CNTNAP3: variants seen among roughly 807,000 people sequenced by gnomAD.
CNTNAP3 encodes contactin associated protein family member 3.
A neutral mutation model predicts 92.1 loss-of-function variants in CNTNAP3; 36 were observed. That is an observed-to-expected ratio of 0.39 (90% CI 0.30 to 0.52). The LOEUF is 0.52. Among genes scored for constraint, CNTNAP3 ranks in the 20% least tolerant of loss-of-function variants. The pLI, the probability that CNTNAP3 is intolerant of heterozygous loss-of-function variation, is 0.76. For synonymous variants in CNTNAP3, 232 were observed against 422.3 expected (o/e 0.55, Z 5.53); for missense variants, 534 against 1,069.6 (o/e 0.50, Z 6.98).
At chr9:39,147,647 C>T (rs572368681) in intron 10 of CNTNAP3, among the ~76,000 whole-genome samples, 2 of 152,316 alleles carry the variant, frequency 1.3e-5, no homozygotes, top group South Asian at 2.1e-4. Context: ...CTCACACATA[C>T]ATGCTTAGTT....
At chr9:39,102,254 T>A (rs533687804) in intron 17 of CNTNAP3, among the ~76,000 whole-genome samples, 576 of 152,046 alleles carry the variant, frequency 3.8e-3, no homozygotes, top group African/African-American at 0.013. Flanking sequence ...CACTCCAGCC[T>A]GGGCGACACA....
At chr9:39,140,763 G>A in intron 11 of CNTNAP3, 125 bp from the exon 12 acceptor site, 5 of 1,308,842 alleles carry the variant, frequency 3.8e-6, no homozygotes, top group Non-Finnish European at 4.0e-6. Context: ...TTTTGATAGT[G>A]TATGACAGTA....
Position 39,087,755 on chromosome 9 carries a change from C to G in CNTNAP3, c.3220+668G>C, listed in dbSNP as rs558599342. Among the ~76,000 whole-genome samples the G allele has an allele frequency of 1.5e-3, 229 of 151,654 alleles. 1 individual carries two copies. Among genetic ancestry groups the G allele is most frequent in the South Asian group, 4.4e-3 (21 of 4,798 alleles). On this transcript the variant is annotated intron_variant, in intron 19 of 23. Coordinates refer to ENST00000297668, the MANE Select transcript of CNTNAP3 (RefSeq NM_033655.5). ...CCTGCCTTGGCCTCCCAAAGTGCTG[C>G]GATTACAGGCGTGAGCCACCACATC...
chr9:39,147,022 T>G (rs1821719599), intron 10 of CNTNAP3, among the ~76,000 whole-genome samples: 1 of 152,142 alleles, frequency 6.6e-6, no homozygotes, highest in Non-Finnish European at 1.5e-5. Flanking sequence ...TCTCATGCTG[T>G]TCTCATGATA....
Position 39,109,228 on chromosome 9 carries a change from A to G in CNTNAP3, c.2297T>C (p.Met766Thr), listed in dbSNP as rs747272227. The G allele has an allele frequency of 1.4e-5, 22 of 1,612,812 alleles. No individual in the cohort carries two copies. Among genetic ancestry groups the G allele is most frequent in the Non-Finnish European group, 1.9e-5 (22 of 1,179,824 alleles). The change falls in exon 15 of 24, where the codon ATG becomes ACG. Residue 766 changes from methionine to threonine, a missense_variant. Physicochemically the swap from Met to Thr is moderately conservative, Grantham distance 81. Coordinates refer to ENST00000297668, the MANE Select transcript of CNTNAP3 (RefSeq NM_033655.5). ...KEHLPVTQIV[M>T]TDAGRPHSEA... ...GGAATGTGGTCGGCCTGCGTCTGTC[A>G]TCACAATCTGAGTGACTGGCAGGTG...
chr9:39,118,287 A>G, intron 13 of CNTNAP3, 28 bp from the exon 14 acceptor site: 1 of 1,612,974 alleles, frequency 6.2e-7, no homozygotes, highest in African/African-American at 1.3e-5. Context: ...GAAACATGAC[A>G]TCTACTTTGT....
chr9:39,106,121 T>C (rs1826599505), intron 15 of CNTNAP3, among the ~76,000 whole-genome samples: 1 of 152,068 alleles, frequency 6.6e-6, no homozygotes, highest in Admixed American at 6.6e-5. Context: ...CTTGACCCTA[T>C]CCCTGCAGAT....
In CNTNAP3 at chr9:39,109,023, T is replaced by A. The variant is rs1339389969; in HGVS notation, c.2365+137A>T. On this transcript the variant is annotated intron_variant, in intron 15 of 23. Transcript: ENST00000297668. ...CAGTACTGACTGTGCCTTTATGGTA[T>A]GTGTGTTTTCCTGATATTCGCCCCA... The A allele has an allele frequency of 5.2e-6, 7 of 1,349,520 alleles. No individual in the cohort carries two copies. In the African/African-American group the frequency reaches 8.9e-5, roughly 17 times the overall value. The allele number at this position is 1,349,520 out of a possible 1,614,324, so 83.6% of individuals were successfully genotyped here. A position where few individuals can be genotyped will look rare whatever the true frequency, so the allele number is the denominator to read the frequency against.
intron 13 of CNTNAP3, among the ~76,000 whole-genome samples, chr9:39,126,111 A>T (rs981540348): frequency 1.3e-5 from 2 of 152,202 alleles, no homozygotes; most frequent in Non-Finnish European, 2.9e-5. Context: ...GCCACAGAAC[A>T]CTTTACCAAA....
rs551386827 is a variant in CNTNAP3 at position 39,145,850 on chromosome 9, G to A, written c.1650-1504C>T. ...GTGACAGGCAAGGTTGGCTGGGGTG[G>A]GGGCCCACCCTCATACCATTTTTAA... On this transcript the variant is annotated intron_variant, in intron 10 of 23. Coordinates refer to ENST00000297668, the MANE Select transcript of CNTNAP3 (RefSeq NM_033655.5). 2.8e-3 allele frequency among the ~76,000 whole-genome samples: 393 copies of A among 141,828 alleles called. 23 individuals are homozygous for A. The highest frequency in any genetic ancestry group is 4.8e-3 in the Non-Finnish European group (306 of 63,754). 93.0% of individuals were successfully genotyped at this position (141,828 alleles called of 152,430 possible). A position where few individuals can be genotyped will look rare whatever the true frequency, so the allele number is the denominator to read the frequency against.
chr9:39,145,430 G>T (rs1309521392), intron 10 of CNTNAP3, among the ~76,000 whole-genome samples: 1 of 143,876 alleles, frequency 7.0e-6, no homozygotes, highest in Admixed American at 6.8e-5. Context: ...CTCACCATGG[G>T]ACCCAGAGAA....
At chr9:39,109,309 C>A (rs1399045923) in intron 14 of CNTNAP3, 22 bp from the exon 15 acceptor site, 1 of 1,610,158 alleles carries the variant, frequency 6.2e-7, no homozygotes, top group South Asian at 1.1e-5. Flanking sequence ...CAACCGAAAC[C>A]ATTAAAATTA....
intron 18 of CNTNAP3, among the ~76,000 whole-genome samples, chr9:39,097,242 T>C (rs918425062): frequency 5.3e-5 from 8 of 152,160 alleles, no homozygotes; most frequent in African/African-American, 1.9e-4. Flanking sequence ...TTATCCATCC[T>C]CTGTTCCAAA....
At chr9:39,267,474 GA>G (rs1203584010) in intron 1 of CNTNAP3, among the ~76,000 whole-genome samples, 2 of 133,372 alleles carry the variant, frequency 1.5e-5, no homozygotes, top group African/African-American at 5.5e-5. Context: ...CCCCAGCACA[GA>G]ACCTGTGGGG....
At chr9:39,079,148 T>C (rs1564067256) in intron 21 of CNTNAP3, among the ~76,000 whole-genome samples, 1 of 152,156 alleles carries the variant, frequency 6.6e-6, no homozygotes, top group Non-Finnish European at 1.5e-5. Context: ...TTCGTTCAAG[T>C]GCAGATGGCT....
intron 21 of CNTNAP3, among the ~76,000 whole-genome samples, chr9:39,081,418 C>T (rs1231090540): frequency 4.0e-5 from 6 of 151,182 alleles, no homozygotes; most frequent in Non-Finnish European, 7.4e-5. Flanking sequence ...ACTTCGGGGT[C>T]CTGCACCCAG....
At chr9:39,074,677 T>A (rs1825706194) in intron 23 of CNTNAP3, among the ~76,000 whole-genome samples, 1 of 152,174 alleles carries the variant, frequency 6.6e-6, no homozygotes, top group Admixed American at 6.5e-5. Flanking sequence ...GTATAGAGTG[T>A]TTGCATCATC....
rs1268301892 is a variant in CNTNAP3 at position 39,131,176 on chromosome 9, A to G, written c.2080+1756T>C. On this transcript the variant is annotated intron_variant, in intron 13 of 23. Coordinates refer to ENST00000297668, the MANE Select transcript of CNTNAP3 (RefSeq NM_033655.5). ...CTTCATTCAACAGCAATGAACTAAC[A>G]AATAATTAAGTTTTGTAATGCCAAC... Among the ~76,000 whole-genome samples, 5 of 151,402 alleles carry G rather than the reference A, an allele frequency of 3.3e-5. No homozygotes were observed. The East Asian group carries it at 9.8e-4, about 30-fold the overall frequency.
chr9:39,122,216 G>A lies in CNTNAP3; in HGVS notation c.2081-3957C>T, dbSNP rs541823784. 4.6e-5 allele frequency among the ~76,000 whole-genome samples: 7 copies of A among 152,314 alleles called. No individual in the cohort carries two copies. The South Asian group carries it at 1.0e-3, about 23-fold the overall frequency. ...AAAAATAGAAAAAAATTAGCCGGGC[G>A]TGGTGGCGGGCGCCTGTAGTCCCAG... On this transcript the variant is annotated intron_variant, in intron 13 of 23. Transcript: ENST00000297668.
Sources: gnomAD v4.1 joint callset for allele counts (sites outside exome capture counted in the v4.1 genomes callset) on GRCh38, gnomAD v4.1.1 for gene constraint, MANE v1.5 for transcripts, NCBI Gene and HGNC (gene_info 2026-07-23, HGNC 2026-07-21) for gene names.